MARCHF3: variants seen among roughly 807,000 people sequenced by gnomAD.
MARCHF3 encodes E3 ubiquitin-protein ligase MARCHF3.
MARCHF3 carries 13 observed loss-of-function variants against 24.2 expected under a neutral mutation model. The ratio of observed to expected loss-of-function variants is 0.54; its 90% CI spans 0.35 to 0.85. The LOEUF is 0.85. MARCHF3 is among the 40% of genes least tolerant of loss of function. MARCHF3 has a pLI of 0.01. For synonymous variants in MARCHF3, 144 were observed against 137.3 expected (o/e 1.05, Z -0.34); for missense variants, 276 against 325.0 (o/e 0.85, Z 1.16).
intron 3 of MARCHF3, among the ~76,000 whole-genome samples, chr5:126,907,511 G>T (rs553450159): frequency 6.6e-6 from 1 of 152,064 alleles, no homozygotes; most frequent in Non-Finnish European, 1.5e-5. Context: ...CCTGTATTGG[G>T]TGCATATATA....
At chr5:126,986,105 G>A (rs1023847104) in intron 1 of MARCHF3, among the ~76,000 whole-genome samples, 1 of 152,176 alleles carries the variant, frequency 6.6e-6, no homozygotes, top group Non-Finnish European at 1.5e-5. Flanking sequence ...ACAGCATAGT[G>A]TAACATATGC....
intron 1 of MARCHF3, among the ~76,000 whole-genome samples, chr5:126,989,223 C>T (rs553949297): frequency 9.2e-5 from 14 of 151,986 alleles, no homozygotes; most frequent in Admixed American, 8.5e-4. Flanking sequence ...AGCCTGCAGT[C>T]GGCTATGATC....
chr5:126,962,424 G>C (rs1750668173), intron 1 of MARCHF3, among the ~76,000 whole-genome samples: 1 of 151,992 alleles, frequency 6.6e-6, no homozygotes, highest in Admixed American at 6.6e-5. Context: ...ATGTGTGTGT[G>C]TGTATGTGTG....
chr5:126,879,771 A>G (rs1753286363), intron 3 of MARCHF3, among the ~76,000 whole-genome samples: 1 of 152,234 alleles, frequency 6.6e-6, no homozygotes. Flanking sequence ...TGTAGTAAAC[A>G]GAGGCCAAGG....
At chr5:126,961,839 A>G (rs968083617) in intron 1 of MARCHF3, among the ~76,000 whole-genome samples, 3 of 152,152 alleles carry the variant, frequency 2.0e-5, no homozygotes, top group Admixed American at 6.6e-5. Context: ...ATTTGAGCTC[A>G]CTCTAGGTGG....
chr5:126,939,409 T>G (rs1749753361), intron 1 of MARCHF3, among the ~76,000 whole-genome samples: 1 of 152,218 alleles, frequency 6.6e-6, no homozygotes, highest in African/African-American at 2.4e-5. Context: ...GGCTACTACC[T>G]GTTCTTCATT....
intron 1 of MARCHF3, among the ~76,000 whole-genome samples, chr5:126,960,066 A>T (rs1268142849): frequency 6.6e-6 from 1 of 152,126 alleles, no homozygotes; most frequent in African/African-American, 2.4e-5. Context: ...ATTCCCTGCT[A>T]ATTATCTTTC....
chr5:126,898,796 T>C (rs1754009410), intron 3 of MARCHF3: 1 of 940,820 alleles, frequency 1.1e-6, no homozygotes, highest in South Asian at 5.0e-5. Context: ...ACTTTGAACC[T>C]CACTACTTAT....
chr5:126,901,710 A>G (rs891828123), intron 3 of MARCHF3, among the ~76,000 whole-genome samples: 1 of 152,126 alleles, frequency 6.6e-6, no homozygotes, highest in Non-Finnish European at 1.5e-5. Context: ...TGCATATTCT[A>G]TAACTCTGCT....
intron 1 of MARCHF3, among the ~76,000 whole-genome samples, chr5:126,942,969 A>G (rs539032695): frequency 2.8e-4 from 42 of 152,358 alleles, no homozygotes; most frequent in African/African-American, 9.6e-4. Flanking sequence ...ACTGAAAAAA[A>G]GAGAAAGTAA....
chr5:126,898,876 C>G (rs1357380799), intron 3 of MARCHF3: 1 of 980,320 alleles, frequency 1.0e-6, no homozygotes, highest in Non-Finnish European at 1.2e-6. Context: ...GAAAACATTT[C>G]ATTTTCTTCT....
At chr5:126,902,225 A>G (rs1450688829) in intron 3 of MARCHF3, among the ~76,000 whole-genome samples, 2 of 152,172 alleles carry the variant, frequency 1.3e-5, no homozygotes, top group African/African-American at 4.8e-5. Flanking sequence ...CCAACAGGCT[A>G]TTCCTTTGAA....
intron 3 of MARCHF3, among the ~76,000 whole-genome samples, chr5:126,895,232 C>T (rs565754032): frequency 1.3e-5 from 2 of 152,164 alleles, no homozygotes; most frequent in Non-Finnish European, 2.9e-5. Flanking sequence ...TCAAAGTTTT[C>T]AACTTCTTTG....
At chr5:126,976,418 C>T (rs1310353639) in intron 1 of MARCHF3, among the ~76,000 whole-genome samples, 1 of 152,226 alleles carries the variant, frequency 6.6e-6, no homozygotes, top group Non-Finnish European at 1.5e-5. Flanking sequence ...TCTTTCAGCT[C>T]CTCTGCTACT....
intron 1 of MARCHF3, among the ~76,000 whole-genome samples, chr5:126,941,207 T>A (rs1366618817): frequency 6.6e-6 from 1 of 152,210 alleles, no homozygotes; most frequent in East Asian, 1.9e-4. Flanking sequence ...AAAGAAGGTA[T>A]GTTTAGAATT....
intron 1 of MARCHF3, among the ~76,000 whole-genome samples, chr5:126,985,930 A>C (rs779569888): frequency 4.6e-5 from 7 of 152,222 alleles, no homozygotes; most frequent in Non-Finnish European, 8.8e-5. Context: ...AGAACATACA[A>C]GGAACACAGT....
intron 1 of MARCHF3, among the ~76,000 whole-genome samples, chr5:126,969,183 C>A (rs936323879): frequency 3.9e-5 from 6 of 152,084 alleles, no homozygotes; most frequent in African/African-American, 1.4e-4. Flanking sequence ...TTCTAAGGTA[C>A]AACTAATTTT....
rs1398157367 is a variant in MARCHF3, at chr5:126,870,077, C to G, written c.*556G>C. On this transcript the variant is annotated 3_prime_UTR_variant, in exon 5 of 5. Coordinates refer to ENST00000308660, the MANE Select transcript of MARCHF3 (RefSeq NM_178450.5). ...AAACATTCTTCAAATATGACTTGTTCTGCATCTGTTATGCTGTCTCCTTGA... is the reference window on the plus strand; with the variant it reads ...AAACATTCTTCAAATATGACTTGTTGTGCATCTGTTATGCTGTCTCCTTGA... 1 of 152,516 alleles carries G rather than the reference C, an allele frequency of 6.6e-6. No individual in the cohort carries two copies. The highest frequency in any genetic ancestry group is 1.5e-5 in the Non-Finnish European group (1 of 68,026). The allele number at this position is 152,516 out of a possible 1,614,324, so 9.4% of individuals were successfully genotyped here.
chr5:126,985,696 C>T (rs757224668), intron 1 of MARCHF3, among the ~76,000 whole-genome samples: 1 of 152,076 alleles, frequency 6.6e-6, no homozygotes, highest in Non-Finnish European at 1.5e-5. Flanking sequence ...AGGATGGTCT[C>T]GATCTCCTGA....
Sources: allele counts gnomAD v4.1 joint callset (sites outside exome capture counted in the v4.1 genomes callset), GRCh38; gene constraint gnomAD v4.1.1; transcripts MANE v1.5; gene names NCBI Gene and HGNC (gene_info 2026-07-23, HGNC 2026-07-21).